Variants in CIROZ observed in about 807,000 individuals in gnomAD.
The protein encoded by CIROZ is ciliated left-right organizer protein containing ZP-N domains.
chr1:10,949,585 G>A, the CIROZ span: 20 of 1,569,226 alleles, frequency 1.3e-5, no homozygotes, highest in Non-Finnish European at 1.6e-5. Flanking sequence ...CAGACTCTTT[G>A]GAGGAAACCA....
At chr1:10,966,085 T>C in the CIROZ span, among the ~76,000 whole-genome samples, 1 of 152,040 alleles carries the variant, frequency 6.6e-6, no homozygotes, top group Admixed American at 6.6e-5. Context: ...GTGGGCACAT[T>C]ATGAGTCAGT....
the CIROZ span, chr1:10,964,191 C>G: frequency 6.2e-7 from 1 of 1,614,202 alleles, no homozygotes; most frequent in Non-Finnish European, 8.5e-7. Flanking sequence ...GCATCGGACA[C>G]TTCATTATGT....
chr1:10,965,211 A>G, the CIROZ span, among the ~76,000 whole-genome samples: 1 of 152,058 alleles, frequency 6.6e-6, no homozygotes, highest in Non-Finnish European at 1.5e-5. Flanking sequence ...AAGGGCGACC[A>G]CAGAGAGGAA....
chr1:10,953,906 G>C, the CIROZ span: 1 of 1,434,812 alleles, frequency 7.0e-7, no homozygotes, highest in Non-Finnish European at 9.3e-7. Context: ...GGATCTGTCG[G>C]GTCCAGGGAG....
At chr1:10,956,900 G>T in the CIROZ span, 16 of 816,050 alleles carry the variant, frequency 2.0e-5, no homozygotes, top group South Asian at 2.8e-4. Flanking sequence ...AGCCAAGGTT[G>T]GGACTGAGGA....
chr1:10,947,772 G>A, the CIROZ span: 5 of 1,598,104 alleles, frequency 3.1e-6, no homozygotes, highest in East Asian at 2.2e-5. Context: ...CTGCTGGAGT[G>A]AGGCCCCCCG....
chr1:10,954,791 C>T, the CIROZ span, among the ~76,000 whole-genome samples: 1 of 152,198 alleles, frequency 6.6e-6, no homozygotes, highest in Admixed American at 6.5e-5. Flanking sequence ...TGAGGTCTCA[C>T]TATGTTTCCC....
chr1:10,976,370 C>G, the CIROZ span: 5 of 732,890 alleles, frequency 6.8e-6, no homozygotes, highest in Non-Finnish European at 1.1e-5. Context: ...GAGTCTCGCT[C>G]CGTCACCCTG....
chr1:10,948,335 A>AGCCAGTGTGGCCC, the CIROZ span: 4 of 1,613,462 alleles, frequency 2.5e-6, no homozygotes, highest in Non-Finnish European at 1.7e-6. Flanking sequence ...GCTCCTCTGC[A>AGCCAGTGTGGCCC]GCCAGTGTGG....
At chr1:10,971,451 C>T in the CIROZ span, among the ~76,000 whole-genome samples, 4 of 152,054 alleles carry the variant, frequency 2.6e-5, no homozygotes, top group Non-Finnish European at 5.9e-5. Context: ...TCCATGTGTT[C>T]CTGAGCCAAG....
the CIROZ span, among the ~76,000 whole-genome samples, chr1:10,975,590 G>GAAA: frequency 4.7e-4 from 46 of 98,648 alleles, no homozygotes; most frequent in African/African-American, 1.7e-3. Context: ...CTCTGTCTCA[G>GAAA]AAAAAAAAAA....
the CIROZ span, among the ~76,000 whole-genome samples, chr1:10,978,209 T>G: frequency 2.7e-5 from 4 of 149,610 alleles, no homozygotes; most frequent in African/African-American, 9.8e-5. Flanking sequence ...CACGCCCGGC[T>G]AATTTATTAG....
the CIROZ span, chr1:10,976,307 C>T: frequency 4.4e-6 from 5 of 1,127,892 alleles, no homozygotes; most frequent in East Asian, 7.7e-5. Flanking sequence ...CAGCTGCTGC[C>T]TCATCTACCT....
At chr1:10,956,906 G>T in the CIROZ span, 1 of 868,638 alleles carries the variant, frequency 1.2e-6, no homozygotes. Context: ...GGTTGGGACT[G>T]AGGAGAGGAG....
chr1:10,964,122 C>A, the CIROZ span: 1 of 1,613,662 alleles, frequency 6.2e-7, no homozygotes, highest in Non-Finnish European at 8.5e-7. Context: ...CCCCCGAACC[C>A]ATTACCTGGA....
the CIROZ span, chr1:10,966,238 C>G: frequency 7.7e-7 from 1 of 1,300,690 alleles, no homozygotes. Context: ...TCTGGTCTCC[C>G]TCAGCTCAGT....
At chr1:10,948,300 T>C in the CIROZ span, 1 of 1,613,714 alleles carries the variant, frequency 6.2e-7, no homozygotes, top group Non-Finnish European at 8.5e-7. Context: ...TTCCTGGGGC[T>C]CTCCGGGAGA....
the CIROZ span, chr1:10,958,783 T>C: frequency 1.9e-6 from 3 of 1,612,526 alleles, no homozygotes; most frequent in South Asian, 2.2e-5. Context: ...CAATGTCTCC[T>C]GCAAGCGGTG....
chr1:10,959,748 G>A, the CIROZ span, among the ~76,000 whole-genome samples: 1 of 152,176 alleles, frequency 6.6e-6, no homozygotes, highest in Non-Finnish European at 1.5e-5. The surrounding 1 kb of genome is among the most constrained non-coding windows in gnomAD (Gnocchi z 4.3). Flanking sequence ...CCAGGAAAAG[G>A]CCCGCCACCA....
Sources: allele counts gnomAD v4.1 joint callset (sites outside exome capture counted in the v4.1 genomes callset), GRCh38; gene constraint gnomAD v4.1.1; non-coding constraint Gnocchi (gnomAD v3.1); transcripts MANE v1.5; gene names NCBI Gene and HGNC (gene_info 2026-07-23, HGNC 2026-07-21).